The following TSNARE1 variants were observed in gnomAD, a reference collection of about 807,000 sequenced individuals.
The protein encoded by TSNARE1 is t-SNARE domain containing 1.
Under a neutral mutation model 62.0 loss-of-function variants are expected in TSNARE1, and 49 were observed. The ratio of observed to expected loss-of-function variants is 0.79; its 90% CI spans 0.63 to 1.00. The LOEUF is 1.00. Ranked by LOEUF, TSNARE1 falls within the 50% of genes least tolerant of loss-of-function variation. The pLI is 0.00. For missense variants in TSNARE1, 755 were observed against 700.1 expected, an observed-to-expected ratio of 1.08 and a Z score of -0.88; for synonymous variants, 328 against 294.4, an observed-to-expected ratio of 1.11 and a Z score of -1.17.
At chr8:142,405,711 C>T (rs1838575304), upstream of TSNARE1, 1 of 138,366 alleles carries the variant, frequency 7.2e-6, no homozygotes, top group African/African-American at 2.7e-5. Context: ...TTCCTCTCTA[C>T]CCTCTGCTGC....
chr8:142,366,691 G>C (rs889602410), intron 1 of TSNARE1, among the ~76,000 whole-genome samples: 3 of 152,242 alleles, frequency 2.0e-5, no homozygotes, highest in East Asian at 3.9e-4. Context: ...AATCACACTA[G>C]GAACAATTCC....
At chr8:142,228,234 A>G (rs1393493043) in intron 13 of TSNARE1, among the ~76,000 whole-genome samples, 2 of 152,242 alleles carry the variant, frequency 1.3e-5, no homozygotes, top group Non-Finnish European at 2.9e-5. Context: ...TGAGATAACA[A>G]ACATTGATTT....
chr8:142,253,106 G>A (rs370863948), intron 12 of TSNARE1, among the ~76,000 whole-genome samples: 73 of 152,352 alleles, frequency 4.8e-4, no homozygotes, highest in African/African-American at 1.2e-3. Context: ...GATAGAGACC[G>A]GACGGGCAGC....
At chr8:142,331,957 C>A in intron 4 of TSNARE1, 126 bp from the exon 5 acceptor site, 1 of 883,066 alleles carries the variant, frequency 1.1e-6, no homozygotes, top group East Asian at 2.7e-5. Context: ...GGCCCTGAAC[C>A]CCCTCACTGC....
intron 13 of TSNARE1, among the ~76,000 whole-genome samples, chr8:142,227,310 C>CCA (rs1816869466): frequency 7.8e-6 from 1 of 128,590 alleles, no homozygotes; most frequent in African/African-American, 5.0e-5. Context: ...GGACCCCCTT[C>CCA]CTGCCCACAA....
intron 13 of TSNARE1, among the ~76,000 whole-genome samples, chr8:142,227,051 C>T (rs78874104): frequency 1.5e-5 from 2 of 136,054 alleles, no homozygotes; most frequent in African/African-American, 6.3e-5. Context: ...CAGTGACAGC[C>T]AGGCCCCCCA....
intron 10 of TSNARE1, among the ~76,000 whole-genome samples, chr8:142,298,360 C>T (rs1161589896): frequency 3.3e-5 from 5 of 152,352 alleles, no homozygotes; most frequent in South Asian, 2.1e-4. Context: ...GGATCGCGGA[C>T]GGGGCAGCCA....
intron 6 of TSNARE1, among the ~76,000 whole-genome samples, chr8:142,322,837 C>T (rs72687386): frequency 0.22 from 29,629 of 133,466 alleles, 3,189 homozygotes; most frequent in South Asian, 0.35. Flanking sequence ...GATACTATTA[C>T]GAAAGGCCGG....
chr8:142,360,696 G>T (rs973935519), intron 1 of TSNARE1, among the ~76,000 whole-genome samples: 2 of 152,158 alleles, frequency 1.3e-5, no homozygotes, highest in Non-Finnish European at 2.9e-5. Context: ...GGCGCCGGGG[G>T]AAGCGGCGGT....
chr8:142,388,183 A>T (rs999132096), intron 1 of TSNARE1, among the ~76,000 whole-genome samples: 2 of 152,150 alleles, frequency 1.3e-5, no homozygotes, highest in Non-Finnish European at 1.5e-5. Flanking sequence ...ATGATTTTTT[A>T]AAAAAGCAAC....
At chr8:142,318,049 G>A (rs1828857320) in intron 7 of TSNARE1, among the ~76,000 whole-genome samples, 1 of 152,202 alleles carries the variant, frequency 6.6e-6, no homozygotes, top group African/African-American at 2.4e-5. Flanking sequence ...TGTGGCAGTG[G>A]GTATGCTGAT....
chr8:142,338,595 G>GCCTCGACCACTGGGCAAGCTGACAGGCTT (rs1832106938), intron 4 of TSNARE1, among the ~76,000 whole-genome samples: 1 of 152,214 alleles, frequency 6.6e-6, no homozygotes, highest in Admixed American at 6.5e-5. Context: ...CTGACAGGCT[G>GCCTCGACCACTGGGCAAGCTGACAGGCTT]CCTGGACCAC....
At chr8:142,351,321 C>T (rs1019970585) in intron 2 of TSNARE1, among the ~76,000 whole-genome samples, 2 of 152,210 alleles carry the variant, frequency 1.3e-5, no homozygotes, top group South Asian at 4.1e-4. Context: ...ATTACATGCA[C>T]ACACCAGCAA....
chr8:142,331,936 G>A, intron 4 of TSNARE1, 105 bp from the exon 5 acceptor site: 1 of 1,150,016 alleles, frequency 8.7e-7, no homozygotes, highest in Non-Finnish European at 1.3e-6. Context: ...GGACCCGACA[G>A]GCAGCAGAGT....
chr8:142,249,849 A>T (rs1054841150), intron 12 of TSNARE1, among the ~76,000 whole-genome samples: 5 of 152,224 alleles, frequency 3.3e-5, no homozygotes, highest in African/African-American at 2.4e-5. Flanking sequence ...GAAGCATGGC[A>T]GCAAAGCCAC....
chr8:142,344,572 T>G, intron 3 of TSNARE1, 100 bp from the exon 4 acceptor site: 1 of 1,257,318 alleles, frequency 8.0e-7, no homozygotes, highest in African/African-American at 1.5e-5. Context: ...GGTTTCTGCT[T>G]CAGGACACGG....
At chr8:142,288,096 T>C (rs1043532424) in intron 10 of TSNARE1, among the ~76,000 whole-genome samples, 12 of 152,192 alleles carry the variant, frequency 7.9e-5, no homozygotes, top group Admixed American at 7.9e-4. Context: ...GGGGGAAGCA[T>C]GGCTCCGAGC....
intron 13 of TSNARE1, among the ~76,000 whole-genome samples, chr8:142,225,038 C>T (rs938764266): frequency 2.6e-5 from 4 of 152,100 alleles, no homozygotes; most frequent in Admixed American, 6.5e-5. Context: ...CAGGCCTGTT[C>T]GCCTCCCTTC....
intron 4 of TSNARE1, among the ~76,000 whole-genome samples, chr8:142,332,091 G>C (rs554211486): frequency 6.6e-6 from 1 of 152,352 alleles, no homozygotes; most frequent in East Asian, 1.9e-4. Flanking sequence ...AGCACCCTGA[G>C]TTTCCATACA....
Sources: allele counts gnomAD v4.1 joint callset (sites outside exome capture counted in the v4.1 genomes callset), GRCh38; gene constraint gnomAD v4.1.1; transcripts MANE v1.5; gene names NCBI Gene and HGNC (gene_info 2026-07-23, HGNC 2026-07-21).